The following PTGIS variants were observed in gnomAD, a reference collection of about 807,000 sequenced individuals.
PTGIS encodes the protein prostaglandin I2 synthase, also known as prostacyclin synthase.
Under a neutral mutation model 50.3 loss-of-function variants are expected in PTGIS, and 45 were observed. The ratio of observed to expected loss-of-function variants is 0.90; its 90% CI spans 0.70 to 1.15. The LOEUF (loss-of-function observed/expected upper bound fraction) is 1.15, where lower values mean the gene tolerates loss of function less well. Ranked by LOEUF, PTGIS falls within the 50% of genes most tolerant of loss-of-function variation. PTGIS has a pLI of 0.00. For missense variants in PTGIS, 668 were observed against 661.3 expected, an observed-to-expected ratio of 1.01 and a Z score of -0.11; for synonymous variants, 260 against 267.7, an observed-to-expected ratio of 0.97 and a Z score of 0.28.
chr20:49,521,548 G>C (rs1367399366), intron 6 of PTGIS, among the ~76,000 whole-genome samples: 1 of 152,136 alleles, frequency 6.6e-6, no homozygotes, highest in Non-Finnish European at 1.5e-5. Flanking sequence ...ATTCCCACGA[G>C]AGTTCTGGAG....
At position 49,544,323 on chromosome 20, in the gene PTGIS, G is replaced by C. The variant is rs1982302940; in HGVS notation, c.503C>G (p.Ser168Cys). 1 of 1,614,192 alleles carries C rather than the reference G, an allele frequency of 6.2e-7. No individual in the cohort carries two copies. The highest frequency in any genetic ancestry group is 8.5e-7 in the Non-Finnish European group (1 of 1,180,044). Residue 168 changes from serine to cysteine, a missense_variant, in exon 4 of 10, where the codon TCC (serine) becomes TGC (cysteine). Coordinates refer to ENST00000244043, the MANE Select transcript of PTGIS (RefSeq NM_000961.4). ...GCCTCACCTGAGCAGGAAGCTGTAG[G>C]AGAAGTCGAGGAGACCCATCTCGTG... ...GWHEMGLLDFSYSFLLRAGYL... is the reference protein window; with the variant it reads ...GWHEMGLLDFCYSFLLRAGYL...
chr20:49,556,262 A>G (rs1366559006), intron 1 of PTGIS, among the ~76,000 whole-genome samples: 1 of 152,182 alleles, frequency 6.6e-6, no homozygotes, highest in African/African-American at 2.4e-5. Flanking sequence ...ATAACAGGGC[A>G]TAATTGGAGA....
chr20:49,543,705 C>G (rs1014666838), intron 4 of PTGIS, among the ~76,000 whole-genome samples: 2 of 152,178 alleles, frequency 1.3e-5, no homozygotes, highest in African/African-American at 2.4e-5. Flanking sequence ...GACCCTGCCT[C>G]GTCAGTCGGC....
intron 3 of PTGIS, among the ~76,000 whole-genome samples, chr20:49,546,101 G>A (rs2122885092): frequency 6.6e-6 from 1 of 152,276 alleles, no homozygotes; most frequent in Non-Finnish European, 1.5e-5. Flanking sequence ...CATGGGATCT[G>A]GCCTTCAATG....
chr20:49,516,481 C>T (rs1197959440), intron 6 of PTGIS, among the ~76,000 whole-genome samples: 4 of 152,170 alleles, frequency 2.6e-5, no homozygotes, highest in Non-Finnish European at 5.9e-5. Context: ...CACTATGTTT[C>T]CCAGGCTGTA....
chr20:49,538,578 A>G (rs1297597076), intron 5 of PTGIS, among the ~76,000 whole-genome samples: 1 of 152,294 alleles, frequency 6.6e-6, no homozygotes, highest in East Asian at 1.9e-4. Context: ...AATTGGAGGT[A>G]AAAGAAACCA....
intron 6 of PTGIS, among the ~76,000 whole-genome samples, chr20:49,516,995 C>T (rs565308305): frequency 5.9e-5 from 9 of 152,288 alleles, no homozygotes; most frequent in African/African-American, 1.4e-4. Flanking sequence ...GGTCTCAACA[C>T]TGGGGGTAAC....
chr20:49,511,566 A>AT (rs1981320824), intron 8 of PTGIS, among the ~76,000 whole-genome samples: 2 of 152,156 alleles, frequency 1.3e-5, no homozygotes, highest in South Asian at 2.1e-4. Flanking sequence ...GGAAATACAT[A>AT]TTTTTTACAT....
chr20:49,562,802 C>G (rs1003894204), intron 1 of PTGIS, among the ~76,000 whole-genome samples: 5 of 152,216 alleles, frequency 3.3e-5, no homozygotes, highest in African/African-American at 1.2e-4. Context: ...TCCCACTTGA[C>G]CCTTTGTGAA....
At chr20:49,551,860 T>G (rs946130401) in intron 1 of PTGIS, among the ~76,000 whole-genome samples, 1 of 151,758 alleles carries the variant, frequency 6.6e-6, no homozygotes, top group African/African-American at 2.4e-5. Flanking sequence ...CTTTATGCTT[T>G]CTTTTTTCTC....
chr20:49,533,388 A>C (rs769962231), intron 5 of PTGIS, among the ~76,000 whole-genome samples: 1 of 152,148 alleles, frequency 6.6e-6, no homozygotes, highest in Admixed American at 6.6e-5. Flanking sequence ...CAGAAGCACT[A>C]TGCTTAGCTA....
chr20:49,513,189 G>T lies in PTGIS; in HGVS notation c.1097C>A (p.Ala366Asp). The T allele has an allele frequency of 1.9e-6, 3 of 1,614,142 alleles. No individual in the cohort carries two copies. The highest frequency in any genetic ancestry group is 2.5e-6 in the Non-Finnish European group (3 of 1,180,036). Residue 366 changes from alanine to aspartate, a missense_variant, in exon 8 of 10, where the codon GCC (alanine) becomes GAC (aspartate). Physicochemically the swap from Ala to Asp is moderately radical, Grantham distance 126 (BLOSUM62 -2). Coordinates refer to ENST00000244043, the MANE Select transcript of PTGIS (RefSeq NM_000961.4). ...FITREVVVDL[A>D]MPMADGREFN... The stretch of plus-strand genomic sequence containing the variant: ...TTCTCGCCCGTCTGCCATGGGCATG[G>T]CCAGGTCCACCACAACCTCGCGGGT...
chr20:49,504,584 C>G lies in PTGIS; in HGVS notation c.*3336G>C, dbSNP rs1712835022. 1 of 151,574 alleles carries G rather than the reference C, an allele frequency of 6.6e-6. No homozygotes were observed. Among genetic ancestry groups the G allele is most frequent in the Non-Finnish European group, 1.5e-5 (1 of 67,972 alleles). 9.4% of individuals were successfully genotyped at this position (151,574 alleles called of 1,614,324 possible). A position where few individuals can be genotyped will look rare whatever the true frequency, so the allele number is the denominator to read the frequency against. On this transcript the variant is annotated 3_prime_UTR_variant, in exon 10 of 10. Coordinates refer to ENST00000244043, the MANE Select transcript of PTGIS (RefSeq NM_000961.4). ...TGGTGTGCGCCTGTAATCTCAGCTA[C>G]TTGGGAAGCTGAGGCAGAAGCATTG...
intron 9 of PTGIS, among the ~76,000 whole-genome samples, chr20:49,509,571 T>C (rs1046721807): frequency 1.3e-5 from 2 of 152,182 alleles, no homozygotes; most frequent in African/African-American, 4.8e-5. Flanking sequence ...AGTTTCACAT[T>C]TGCTCACGTG....
At chr20:49,531,946 T>C (rs1981945670) in intron 5 of PTGIS, among the ~76,000 whole-genome samples, 1 of 152,168 alleles carries the variant, frequency 6.6e-6, no homozygotes, top group Non-Finnish European at 1.5e-5. Context: ...TGTATTTTAA[T>C]GTCTGCATAA....
At chr20:49,511,940 GATGA>G (rs1272984857) in intron 8 of PTGIS, among the ~76,000 whole-genome samples, 1 of 151,942 alleles carries the variant, frequency 6.6e-6, no homozygotes, top group Non-Finnish European at 1.5e-5. Context: ...TGAATAAATG[GATGA>G]ATGGACAAAT....
At chr20:49,519,402 G>A (rs910354621) in intron 6 of PTGIS, among the ~76,000 whole-genome samples, 4 of 151,948 alleles carry the variant, frequency 2.6e-5, no homozygotes, top group Non-Finnish European at 5.9e-5. Context: ...CATCATCTCC[G>A]ACCTGACAGC....
In PTGIS at chr20:49,504,561, G is replaced by A. The variant is rs1460513959; in HGVS notation, c.*3359C>T. The A allele has an allele frequency of 6.6e-6, 1 of 152,092 alleles. No homozygotes were observed. The highest frequency in any genetic ancestry group is 1.5e-5 in the Non-Finnish European group (1 of 68,052). 9.4% of individuals were successfully genotyped at this position (152,092 alleles called of 1,614,324 possible). ...ATACAAAAATCAGTTGGGCGTGGTG[G>A]TGTGCGCCTGTAATCTCAGCTACTT... On this transcript the variant is annotated 3_prime_UTR_variant, in exon 10 of 10. Transcript: ENST00000244043.
intron 8 of PTGIS, 140 bp downstream of exon 8, chr20:49,512,938 AAC>A (rs1981362862): frequency 1.0e-6 from 1 of 993,782 alleles, no homozygotes; most frequent in African/African-American, 1.6e-5. Context: ...TGAGGAAGCA[AAC>A]ACAGAGAGGT....
Sources: allele counts gnomAD v4.1 joint callset (sites outside exome capture counted in the v4.1 genomes callset), GRCh38; gene constraint gnomAD v4.1.1; transcripts MANE v1.5; gene names NCBI Gene and HGNC (gene_info 2026-07-23, HGNC 2026-07-21).